The following ME3 variants were observed in gnomAD, a reference collection of about 807,000 sequenced individuals.
ME3 encodes NADP-dependent malic enzyme, mitochondrial.
In ME3, 48 loss-of-function variants were observed where a neutral mutation model predicts 68.9. The ratio of observed to expected loss-of-function variants is 0.70; its 90% CI spans 0.55 to 0.89. The LOEUF is 0.89. Ranked by LOEUF, ME3 falls within the 40% of genes least tolerant of loss-of-function variation. ME3 has a pLI of 0.00. For missense variants in ME3, 675 were observed against 797.4 expected (o/e 0.85, Z 1.85); for synonymous variants, 320 against 318.8 (o/e 1.00, Z -0.04).
rs74971828 is a variant in ME3, at chr11:86,559,836, G to A, written c.184-13C>T. The A allele has an allele frequency of 5.7e-3, 9,116 of 1,612,300 alleles. 337 individuals carry two copies. The African/African-American group carries it at 0.088, about 16-fold the overall frequency. ...TAAAGGCCATCCCCTGGGAAAAACA[G>A]GAAAAGAACACCCACACATAAGTGC... is the stretch of plus-strand genomic sequence containing the variant. On this transcript the variant is annotated splice_polypyrimidine_tract_variant and intron_variant, in intron 2 of 14. Transcript: ENST00000543262.
intron 4 of ME3, among the ~76,000 whole-genome samples, chr11:86,515,220 C>T (rs1178834745): frequency 6.6e-6 from 1 of 152,220 alleles, no homozygotes; most frequent in East Asian, 1.9e-4. Context: ...CAAGGGAAAA[C>T]ATGTCACACA....
chr11:86,500,937 C>CT (rs148843610), intron 5 of ME3, among the ~76,000 whole-genome samples: 8,344 of 152,182 alleles, frequency 0.055, 315 homozygotes, highest in Non-Finnish European at 0.085. Flanking sequence ...TAAGGACCCA[C>CT]TGCCTGCCAA....
At chr11:86,557,252 A>G (rs2139448293) in intron 3 of ME3, among the ~76,000 whole-genome samples, 1 of 152,268 alleles carries the variant, frequency 6.6e-6, no homozygotes, top group Non-Finnish European at 1.5e-5. Context: ...ACGAGTTGTG[A>G]TTTCCAAAAA....
intron 2 of ME3, among the ~76,000 whole-genome samples, chr11:86,565,765 G>C (rs200336765): frequency 6.6e-6 from 1 of 152,150 alleles, no homozygotes; most frequent in African/African-American, 2.4e-5. Flanking sequence ...TCTGTGGCTT[G>C]TCTTTTCATT....
intron 2 of ME3, among the ~76,000 whole-genome samples, chr11:86,650,975 G>A (rs1285721950): frequency 2.0e-5 from 3 of 152,210 alleles, no homozygotes; most frequent in African/African-American, 4.8e-5. Context: ...AGGGTCCTAC[G>A]CCCACAGAGC....
intron 2 of ME3, among the ~76,000 whole-genome samples, chr11:86,583,850 A>G (rs1313214325): frequency 2.0e-5 from 3 of 152,202 alleles, no homozygotes; most frequent in Non-Finnish European, 2.9e-5. Context: ...AAGACCTGAA[A>G]CTATAAAACT....
At chr11:86,645,028 C>T (rs1944909375) in intron 2 of ME3, among the ~76,000 whole-genome samples, 1 of 152,214 alleles carries the variant, frequency 6.6e-6, no homozygotes, top group Admixed American at 6.5e-5. Flanking sequence ...AGCTATGTGG[C>T]CCAGATACTA....
rs1221818672 is a variant in ME3 at position 86,534,077 on chromosome 11, GTGTGTATA to G, written c.467+22468_467+22475del. Among the ~76,000 whole-genome samples, 8 of 12,042 alleles carry G rather than the reference GTGTGTATA, an allele frequency of 6.6e-4. No homozygotes were observed. The East Asian group carries it at 7.1e-3, about 11-fold the overall frequency. The allele number at this position is 12,042 out of a possible 152,430, so 7.9% of individuals were successfully genotyped here. On this transcript the variant is annotated intron_variant, in intron 4 of 14. Coordinates refer to ENST00000543262, the Ensembl canonical transcript of ME3. Reference sequence around the variant, plus strand: ...TATGGTAAAAATGAGGTGTGTGTGTGTGTGTATATATATATATATATATATATATATAT... The same window carrying G: ...TATGGTAAAAATGAGGTGTGTGTGTGTATATATATATATATATATATATAT...
intron 2 of ME3, among the ~76,000 whole-genome samples, chr11:86,656,640 C>G (rs994839108): frequency 4.6e-4 from 70 of 151,380 alleles, no homozygotes; most frequent in Non-Finnish European, 8.1e-4. Context: ...GGAGATATAC[C>G]TAATGTTAAA....
intron 4 of ME3, among the ~76,000 whole-genome samples, chr11:86,525,270 G>A (rs1954649242): frequency 6.6e-6 from 1 of 152,112 alleles, no homozygotes; most frequent in Non-Finnish European, 1.5e-5. Flanking sequence ...TGAGCACAAT[G>A]CCTGATACAT....
intron 2 of ME3, among the ~76,000 whole-genome samples, chr11:86,577,012 TCC>T (rs1222791703): frequency 1.3e-5 from 2 of 152,084 alleles, no homozygotes; most frequent in African/African-American, 4.8e-5. Flanking sequence ...ATCAGCCAAG[TCC>T]CCTGGATTCC....
At chr11:86,566,897 G>A (rs1957508609) in intron 2 of ME3, among the ~76,000 whole-genome samples, 1 of 152,052 alleles carries the variant, frequency 6.6e-6, no homozygotes, top group Admixed American at 6.6e-5. Context: ...TGGGGTGTCA[G>A]GGGAGTTGTG....
chr11:86,589,772 G>A (rs1958953503), intron 2 of ME3, among the ~76,000 whole-genome samples: 1 of 152,306 alleles, frequency 6.6e-6, no homozygotes, highest in East Asian at 1.9e-4. Flanking sequence ...ATTGGAAAAC[G>A]TTTCTGCATC....
At chr11:86,472,776 G>C (rs1175889787) in intron 7 of ME3, among the ~76,000 whole-genome samples, 5 of 152,238 alleles carry the variant, frequency 3.3e-5, no homozygotes, top group Non-Finnish European at 7.3e-5. Flanking sequence ...CGGAGGCAAT[G>C]ATTATTAAGG....
intron 5 of ME3, among the ~76,000 whole-genome samples, chr11:86,500,184 T>C (rs1952624787): frequency 6.6e-6 from 1 of 152,230 alleles, no homozygotes; most frequent in African/African-American, 2.4e-5. Context: ...CTATCATCTC[T>C]CCTAATTAGA....
At chr11:86,648,828 A>G (rs555993717) in intron 2 of ME3, among the ~76,000 whole-genome samples, 6 of 152,148 alleles carry the variant, frequency 3.9e-5, no homozygotes, top group African/African-American at 1.4e-4. Context: ...GCAGTAATTA[A>G]TAGCCTACCA....
intron 4 of ME3, among the ~76,000 whole-genome samples, chr11:86,536,802 T>C (rs376695667): frequency 6.6e-6 from 1 of 151,956 alleles, no homozygotes; most frequent in Non-Finnish European, 1.5e-5. Context: ...ACCCAAAGGA[T>C]TATAAATCAT....
chr11:86,604,189 G>T (rs1305126346), intron 2 of ME3, among the ~76,000 whole-genome samples: 1 of 152,082 alleles, frequency 6.6e-6, no homozygotes, highest in African/African-American at 2.4e-5. Flanking sequence ...TCATCATGCA[G>T]ATGAAGCCTC....
intron 2 of ME3, among the ~76,000 whole-genome samples, chr11:86,595,304 T>TAGAG (rs142071666): frequency 0.017 from 1,563 of 94,544 alleles, 81 homozygotes; most frequent in East Asian, 0.053. Flanking sequence ...TATATATATA[T>TAGAG]ATAGAGAGAG....
Sources: gnomAD v4.1 joint callset for allele counts (sites outside exome capture counted in the v4.1 genomes callset) on GRCh38, gnomAD v4.1.1 for gene constraint, MANE v1.5 for transcripts, NCBI Gene and HGNC (gene_info 2026-07-23, HGNC 2026-07-21) for gene names.